Variants in PBX1 observed in about 807,000 individuals in gnomAD.
The protein encoded by PBX1 is pre-B-cell leukemia transcription factor 1.
Under a neutral mutation model 53.4 loss-of-function variants are expected in PBX1, and 6 were observed. The ratio of observed to expected loss-of-function variants is 0.11; its 90% CI spans 0.06 to 0.22. The LOEUF (loss-of-function observed/expected upper bound fraction) is 0.22. Ranked by LOEUF, PBX1 falls within the 10% of genes least tolerant of loss-of-function variation. The pLI, the probability that PBX1 is intolerant of heterozygous loss-of-function variation, is 1.00. For missense variants in PBX1, 251 were observed against 551.4 expected (o/e 0.46, Z 5.46); for synonymous variants, 204 against 212.3 (o/e 0.96, Z 0.34).
intron 2 of PBX1, among the ~76,000 whole-genome samples, chr1:164,583,745 T>C (rs929994122): frequency 2.6e-5 from 4 of 152,202 alleles, no homozygotes; most frequent in African/African-American, 4.8e-5. Context: ...TTTCCTTTTC[T>C]TCCTCCTTTC....
chr1:164,696,883 T>C (rs1330886910), intron 2 of PBX1, among the ~76,000 whole-genome samples: 1 of 152,212 alleles, frequency 6.6e-6, no homozygotes, highest in Non-Finnish European at 1.5e-5. Flanking sequence ...CAGAGTTTAT[T>C]GAGTGACAGT....
At chr1:164,807,253 T>A (rs897944300) in intron 4 of PBX1, among the ~76,000 whole-genome samples, 1 of 152,122 alleles carries the variant, frequency 6.6e-6, no homozygotes, top group South Asian at 2.1e-4. Context: ...TGAAACTCCA[T>A]CTCAAAAAAA....
intron 2 of PBX1, among the ~76,000 whole-genome samples, chr1:164,699,646 CGGA>C (rs1169965934): frequency 1.3e-5 from 2 of 152,000 alleles, no homozygotes; most frequent in Non-Finnish European, 2.9e-5. Context: ...ATGGAGAGGA[CGGA>C]GGGGAAATCA....
At chr1:164,720,807 T>G (rs1664361491) in intron 2 of PBX1, among the ~76,000 whole-genome samples, 1 of 152,154 alleles carries the variant, frequency 6.6e-6, no homozygotes, top group African/African-American at 2.4e-5. Flanking sequence ...GTAACAGAGG[T>G]GTCCAATGGA....
At chr1:164,605,006 C>A (rs1656455735) in intron 2 of PBX1, among the ~76,000 whole-genome samples, 2 of 152,052 alleles carry the variant, frequency 1.3e-5, no homozygotes, top group Non-Finnish European at 2.9e-5. Context: ...TGGAAGACAC[C>A]AGTAATCACA....
At position 164,559,534 on chromosome 1, in the gene PBX1, T is replaced by G; in HGVS notation, c.-289T>G. Reference sequence around the variant, plus strand: ...TTCTTTTCGCCAAGTGGGAAGGTGGTTTATTTTTCTTGCTTTTTGGAGTCA... The same window carrying G: ...TTCTTTTCGCCAAGTGGGAAGGTGGGTTATTTTTCTTGCTTTTTGGAGTCA... On this transcript the variant is annotated 5_prime_UTR_variant, in exon 1 of 9. Coordinates refer to ENST00000420696, the MANE Select transcript of PBX1 (RefSeq NM_002585.4). 2.8e-6 allele frequency: 1 copy of G among 356,484 alleles called. No homozygotes were observed. Among genetic ancestry groups the G allele is most frequent in the Non-Finnish European group, 5.0e-6 (1 of 199,946 alleles). The allele number at this position is 356,484 out of a possible 1,614,324, so 22.1% of individuals were successfully genotyped here. A position where few individuals can be genotyped will look rare whatever the true frequency, so the allele number is the denominator to read the frequency against.
chr1:164,630,482 T>C (rs1248057925), intron 2 of PBX1, among the ~76,000 whole-genome samples: 1 of 152,188 alleles, frequency 6.6e-6, no homozygotes, highest in African/African-American at 2.4e-5. Flanking sequence ...TATCAGTACA[T>C]CTGTCAATCT....
intron 2 of PBX1, among the ~76,000 whole-genome samples, chr1:164,599,958 C>A (rs1656045705): frequency 6.6e-6 from 1 of 151,962 alleles, no homozygotes; most frequent in African/African-American, 2.4e-5. Context: ...ATGAGCAATT[C>A]TTTTCCAAAC....
chr1:164,770,976 T>C (rs2102245633), intron 2 of PBX1: 1 of 152,154 alleles, frequency 6.6e-6, no homozygotes, highest in Middle Eastern at 3.4e-3. Context: ...GTTCCAGCTT[T>C]CATAGGATGG....
At chr1:164,671,090 T>A (rs2101971893) in intron 2 of PBX1, among the ~76,000 whole-genome samples, 1 of 152,270 alleles carries the variant, frequency 6.6e-6, no homozygotes, top group African/African-American at 2.4e-5. Context: ...ACTCACAAAA[T>A]GGTGGGAACA....
At chr1:164,697,214 G>A (rs576313842) in intron 2 of PBX1, among the ~76,000 whole-genome samples, 72 of 152,212 alleles carry the variant, frequency 4.7e-4, no homozygotes, top group African/African-American at 1.7e-3. Context: ...ACCAGTAGAG[G>A]GATTAAATAA....
intron 2 of PBX1, among the ~76,000 whole-genome samples, chr1:164,776,708 T>C (rs1441173153): frequency 2.6e-5 from 4 of 152,162 alleles, no homozygotes; most frequent in Non-Finnish European, 5.9e-5. Context: ...AAGTGCAAAG[T>C]TTTAAGCCTA....
chr1:164,851,111 G>A lies in PBX1; in HGVS notation c.*4435G>A, dbSNP rs1230947481. On this transcript the variant is annotated 3_prime_UTR_variant, in exon 9 of 9. Transcript: ENST00000420696. ...TGTAGTTTTAATGCTAAGAGGTTAC[G>A]TTTACTTCACAGAGTACACCTCTTA... 3.6e-5 allele frequency: 8 copies of A among 221,660 alleles called. No individual in the cohort carries two copies. Among genetic ancestry groups the A allele is most frequent in the South Asian group, 1.8e-4 (1 of 5,426 alleles). 13.7% of individuals were successfully genotyped at this position (221,660 alleles called of 1,614,324 possible).
At chr1:164,859,491 A>G (rs962575170) in intron 2 of PBX1, among the ~76,000 whole-genome samples, 1 of 152,176 alleles carries the variant, frequency 6.6e-6, no homozygotes, top group South Asian at 2.1e-4. Context: ...TTTCACTTGT[A>G]GGTCTGCAGT....
intron 8 of PBX1, among the ~76,000 whole-genome samples, chr1:164,826,858 C>T (rs763209460): frequency 6.6e-6 from 1 of 151,898 alleles, no homozygotes; most frequent in African/African-American, 2.4e-5. Context: ...AGGTAACATG[C>T]CGTTAACATC....
intron 2 of PBX1, among the ~76,000 whole-genome samples, chr1:164,620,747 A>G (rs1657614623): frequency 6.6e-6 from 1 of 150,396 alleles, no homozygotes; most frequent in Non-Finnish European, 1.5e-5. Context: ...CAGTGGTGCG[A>G]TCTCGCCTCA....
intron 2 of PBX1, among the ~76,000 whole-genome samples, chr1:164,874,812 A>G (rs147078945): frequency 5.3e-5 from 8 of 152,296 alleles, no homozygotes; most frequent in African/African-American, 1.4e-4. Flanking sequence ...TAATTTTTAC[A>G]CATCAATCCA....
intron 8 of PBX1, among the ~76,000 whole-genome samples, chr1:164,842,812 T>C (rs978243338): frequency 6.6e-6 from 1 of 151,872 alleles, no homozygotes; most frequent in Admixed American, 6.6e-5. Context: ...TTTCCAAGAG[T>C]GTGTTCATTA....
At chr1:164,766,015 G>A (rs1332947894) in intron 2 of PBX1, among the ~76,000 whole-genome samples, 2 of 152,134 alleles carry the variant, frequency 1.3e-5, no homozygotes, top group Non-Finnish European at 2.9e-5. Flanking sequence ...GTAAAATATG[G>A]TCCCTGCCCT....
Sources: allele counts gnomAD v4.1 joint callset (sites outside exome capture counted in the v4.1 genomes callset), GRCh38; gene constraint gnomAD v4.1.1; transcripts MANE v1.5; gene names NCBI Gene and HGNC (gene_info 2026-07-23, HGNC 2026-07-21).